The following PCDHA5 variants were observed in gnomAD, a reference collection of about 807,000 sequenced individuals.
The protein encoded by PCDHA5 is protocadherin alpha-5.
Under a neutral mutation model 61.6 loss-of-function variants are expected in PCDHA5, and 43 were observed. The observed-to-expected ratio is 0.70, with a 90% CI of 0.55 to 0.90. The LOEUF is 0.90. PCDHA5 is among the 40% of genes least tolerant of loss of function. The pLI, the probability that PCDHA5 is intolerant of heterozygous loss-of-function variation, is 0.00. For synonymous variants in PCDHA5, 627 were observed against 543.9 expected (o/e 1.15, Z -2.13); for missense variants, 1,298 against 1,222.7 (o/e 1.06, Z -0.92).
intron 1 of PCDHA5, among the ~76,000 whole-genome samples, chr5:140,912,582 T>C (rs2075986919): frequency 6.6e-6 from 1 of 152,214 alleles, no homozygotes. Context: ...TTTTCCAATT[T>C]GGATGCCCTT....
At chr5:140,967,547 A>T in intron 1 of PCDHA5, 1 of 1,613,890 alleles carries the variant, frequency 6.2e-7, no homozygotes, top group Non-Finnish European at 8.5e-7. Flanking sequence ...TGACCAGTCC[A>T]CTTATCGCGT....
At chr5:140,911,560 A>T (rs1554194794) in intron 1 of PCDHA5, among the ~76,000 whole-genome samples, 2 of 152,170 alleles carry the variant, frequency 1.3e-5, no homozygotes, top group Non-Finnish European at 2.9e-5. Flanking sequence ...ATTTTCTTTC[A>T]TCACTTTGTC....
rs545348313 is a variant in PCDHA5, at chr5:140,968,526, C to T, written c.2353-10423C>T. ...ATTCTGTACCCTACCTCAACCAACTCGTCAGCAGCCTTCGAGATGGTGCCT... is the reference window on the plus strand; with the variant it reads ...ATTCTGTACCCTACCTCAACCAACTTGTCAGCAGCCTTCGAGATGGTGCCT... On this transcript the variant is annotated intron_variant, in intron 1 of 3. Transcript: ENST00000529859. 9.9e-6 allele frequency: 16 copies of T among 1,614,200 alleles called. No individual in the cohort carries two copies. The Admixed American group carries it at 1.3e-4, about 13-fold the overall frequency.
At chr5:140,870,383 G>A (rs2051950706) in intron 1 of PCDHA5, 20 of 1,614,242 alleles carry the variant, frequency 1.2e-5, no homozygotes, top group Non-Finnish European at 1.7e-5. Flanking sequence ...GTGACTGCGC[G>A]GGATGGGGGT....
intron 1 of PCDHA5, among the ~76,000 whole-genome samples, chr5:140,950,402 G>A (rs1459486068): frequency 6.6e-6 from 1 of 151,846 alleles, no homozygotes; most frequent in African/African-American, 2.4e-5. Context: ...AATTCTGGGG[G>A]ATTGACAGAT....
chr5:140,830,101 G>A (rs2150181157), intron 1 of PCDHA5: 1 of 1,613,650 alleles, frequency 6.2e-7, no homozygotes, highest in Admixed American at 1.7e-5. Flanking sequence ...TGTCGCTGGT[G>A]GAGAGTGGCC....
At chr5:140,896,346 G>T (rs1466880160) in intron 1 of PCDHA5, among the ~76,000 whole-genome samples, 18 of 151,992 alleles carry the variant, frequency 1.2e-4, no homozygotes, top group Non-Finnish European at 2.5e-4. Flanking sequence ...TTATATTCCC[G>T]CCAGCAGTGT....
At chr5:140,967,092 C>A (rs782344374) in intron 1 of PCDHA5, 4 of 1,613,156 alleles carry the variant, frequency 2.5e-6, no homozygotes, top group Non-Finnish European at 2.5e-6. Context: ...GATCGGGAGG[C>A]GCTGTGTGAG....
At chr5:140,974,637 G>A (rs1054796505) in intron 1 of PCDHA5, among the ~76,000 whole-genome samples, 7 of 151,898 alleles carry the variant, frequency 4.6e-5, no homozygotes, top group South Asian at 2.1e-4. Context: ...TCAACCTCCC[G>A]AGTAGCTGAG....
At chr5:141,003,689 A>G (rs2098134450) in intron 3 of PCDHA5, among the ~76,000 whole-genome samples, 3 of 152,228 alleles carry the variant, frequency 2.0e-5, no homozygotes, top group African/African-American at 7.2e-5. Flanking sequence ...ATTTTAAAAT[A>G]TATCCCTACC....
chr5:140,870,678 G>C (rs1304914174), intron 1 of PCDHA5: 1 of 1,612,626 alleles, frequency 6.2e-7, no homozygotes, highest in African/African-American at 1.3e-5. Context: ...TGGACCACGA[G>C]GAGCTGGAGC....
rs35695909 is a variant in PCDHA5, at chr5:140,914,944, C to CTT, written c.2353-63988_2353-63987dup. Among the ~76,000 whole-genome samples the CTT allele has an allele frequency of 2.2e-4, 28 of 128,250 alleles. 1 individual carries two copies. Among genetic ancestry groups the CTT allele is most frequent in the African/African-American group, 3.1e-4 (11 of 35,118 alleles). 84.1% of individuals were successfully genotyped at this position (128,250 alleles called of 152,430 possible). Reference sequence around the variant, plus strand: ...ATTGTACTATGTTGTGAAAAGTTGTCTTTTTTTTTTTTTTTTTTCTGAGTC... The same window carrying CTT: ...ATTGTACTATGTTGTGAAAAGTTGTCTTTTTTTTTTTTTTTTTTTTCTGAGTC... On this transcript the variant is annotated intron_variant, in intron 1 of 3. Transcript: ENST00000529859.
intron 1 of PCDHA5, chr5:140,877,011 G>T: frequency 2.5e-6 from 4 of 1,612,512 alleles, no homozygotes. Flanking sequence ...TGCACGCGGA[G>T]AGCGGCAAGG....
intron 1 of PCDHA5, chr5:140,927,766 GAGGTGCA>G: frequency 6.2e-7 from 1 of 1,614,234 alleles, no homozygotes. Context: ...TAAAAGTGGG[GAGGTGCA>G]AGTAGCTGCT....
intron 1 of PCDHA5, among the ~76,000 whole-genome samples, chr5:140,879,660 G>A (rs994440632): frequency 1.3e-5 from 2 of 152,154 alleles, no homozygotes; most frequent in East Asian, 1.9e-4. Flanking sequence ...TATAACAAAC[G>A]AACACAAACT....
intron 1 of PCDHA5, chr5:140,856,217 G>C: frequency 6.3e-7 from 1 of 1,598,130 alleles, no homozygotes; most frequent in Non-Finnish European, 8.6e-7. Flanking sequence ...GGAGCTGGCG[G>C]AGCTGGTGCA....
rs78042832 is a variant in PCDHA5, at chr5:140,978,370, A to G, written c.2353-579A>G. Among the ~76,000 whole-genome samples, 198 of 152,318 alleles carry G rather than the reference A, an allele frequency of 1.3e-3. 1 individual carries two copies. The East Asian group carries it at 0.027, about 21-fold the overall frequency. On this transcript the variant is annotated intron_variant, in intron 1 of 3. Transcript: ENST00000529859. ...TAGCAAAACAAGGTCAAACTCTGCA[A>G]TAGTTTGTTTTCCTCTCCCTAGTAT...
In PCDHA5 at chr5:140,870,260, G is replaced by T. The variant is rs782261095; in HGVS notation, c.2352+46133G>T. The T allele has an allele frequency of 2.0e-5, 32 of 1,614,082 alleles. No individual in the cohort carries two copies. The highest frequency in any genetic ancestry group is 3.3e-4 in the Middle Eastern group (2 of 6,082). On this transcript the variant is annotated intron_variant, in intron 1 of 3. Coordinates refer to ENST00000529859, the MANE Select transcript of PCDHA5 (RefSeq NM_018908.3). ...TCAGGTGTCAACGGACAGGTGACCT[G>T]CTCGCTGACGCCCCACGTTCCCTTC...
intron 3 of PCDHA5, among the ~76,000 whole-genome samples, chr5:141,002,612 C>G (rs1487847560): frequency 1.3e-5 from 2 of 152,178 alleles, no homozygotes; most frequent in Non-Finnish European, 2.9e-5. Context: ...AAAACAGACA[C>G]ATAACACAGA....
Sources: allele counts gnomAD v4.1 joint callset (sites outside exome capture counted in the v4.1 genomes callset), GRCh38; gene constraint gnomAD v4.1.1; transcripts MANE v1.5; gene names NCBI Gene and HGNC (gene_info 2026-07-23, HGNC 2026-07-21).